FHIT: variants seen among roughly 807,000 people sequenced by gnomAD.
FHIT encodes fragile histidine triad diadenosine triphosphatase.
FHIT carries 19 observed loss-of-function variants against 17.9 expected under a neutral mutation model. That is an observed-to-expected ratio of 1.06 (90% CI 0.74 to 1.56). FHIT has a LOEUF of 1.56. FHIT is among the 40% of genes most tolerant of loss of function. The pLI is 0.00. For synonymous variants in FHIT, 81 were observed against 69.7 expected (o/e 1.16, Z -0.81); for missense variants, 248 against 189.2 (o/e 1.31, Z -1.82).
intron 5 of FHIT, among the ~76,000 whole-genome samples, chr3:60,024,486 AT>A (rs560851526): frequency 1.1e-3 from 174 of 152,258 alleles, no homozygotes; most frequent in African/African-American, 4.0e-3. Flanking sequence ...AGAACTCTGT[AT>A]TTTTTTGTAT....
intron 3 of FHIT, among the ~76,000 whole-genome samples, chr3:61,033,581 T>C (rs960981735): frequency 6.6e-6 from 1 of 152,196 alleles, no homozygotes; most frequent in Non-Finnish European, 1.5e-5. Context: ...AAATTACATA[T>C]GGGGCTTACA....
intron 5 of FHIT, among the ~76,000 whole-genome samples, chr3:60,036,765 TTTTG>T (rs201694249): frequency 0.017 from 2,634 of 152,044 alleles, 66 homozygotes; most frequent in South Asian, 0.072. Context: ...AGTCAACAGG[TTTTG>T]TTTGTTTGTT....
At chr3:61,058,913 T>C (rs1482364834) in intron 2 of FHIT, among the ~76,000 whole-genome samples, 2 of 152,120 alleles carry the variant, frequency 1.3e-5, no homozygotes, top group Non-Finnish European at 2.9e-5. Flanking sequence ...CAGCCAGGAT[T>C]TGAGGTCAAG....
intron 1 of FHIT, among the ~76,000 whole-genome samples, chr3:61,233,098 T>C (rs1373521376): frequency 6.6e-6 from 1 of 152,194 alleles, no homozygotes; most frequent in East Asian, 1.9e-4. Flanking sequence ...AGCTAAAAGA[T>C]TATAATTCTC....
At chr3:59,963,056 C>A (rs1219606664) in intron 7 of FHIT, among the ~76,000 whole-genome samples, 1 of 152,100 alleles carries the variant, frequency 6.6e-6, no homozygotes, top group Non-Finnish European at 1.5e-5. Context: ...GAGATACAGA[C>A]CATCCTGGCT....
chr3:60,822,541 G>A (rs1313002148), intron 3 of FHIT, among the ~76,000 whole-genome samples: 1 of 152,040 alleles, frequency 6.6e-6, no homozygotes, highest in African/African-American at 2.4e-5. Flanking sequence ...GGGTTTTTTT[G>A]GTCCCACTGG....
chr3:60,208,422 C>G (rs1703300291), intron 5 of FHIT, among the ~76,000 whole-genome samples: 1 of 152,116 alleles, frequency 6.6e-6, no homozygotes, highest in African/African-American at 2.4e-5. Context: ...GACATTTAAG[C>G]ATCATATAAA....
At chr3:61,217,496 G>A (rs957839627) in intron 1 of FHIT, among the ~76,000 whole-genome samples, 11 of 152,160 alleles carry the variant, frequency 7.2e-5, no homozygotes, top group East Asian at 1.9e-4. Context: ...TTCCAAAGAC[G>A]AGTTCTGAGA....
intron 5 of FHIT, among the ~76,000 whole-genome samples, chr3:60,170,851 T>C (rs1164205618): frequency 1.3e-5 from 2 of 152,192 alleles, no homozygotes; most frequent in Admixed American, 1.3e-4. Flanking sequence ...TTATCTATTT[T>C]TTCTCCCACA....
At chr3:60,648,324 CT>C (rs2039910481) in intron 4 of FHIT, among the ~76,000 whole-genome samples, 1 of 152,118 alleles carries the variant, frequency 6.6e-6, no homozygotes. Context: ...GCCCAATTAC[CT>C]GTGTAAGGGA....
intron 5 of FHIT, among the ~76,000 whole-genome samples, chr3:60,045,426 C>A (rs1472057346): frequency 6.6e-6 from 1 of 152,004 alleles, no homozygotes. Context: ...CTCCCCCTTA[C>A]AAAACCATCA....
chr3:61,215,558 G>A (rs559681442), intron 1 of FHIT, among the ~76,000 whole-genome samples: 1 of 152,230 alleles, frequency 6.6e-6, no homozygotes, highest in East Asian at 1.9e-4. Context: ...TCATGAAAAT[G>A]GCCATACTGC....
rs1272749533 is a variant in FHIT at position 59,748,267 on chromosome 3, G to C, written c.*1318C>G. Among the ~76,000 whole-genome samples the C allele has an allele frequency of 6.6e-6, 1 of 152,030 alleles. No individual in the cohort carries two copies. The highest frequency in any genetic ancestry group is 1.5e-5 in the Non-Finnish European group (1 of 67,994). On this transcript the variant is annotated 3_prime_UTR_variant, in exon 10 of 10. Transcript: ENST00000492590. ...AGTGAATCAAGTAAATAATGCTCTA[G>C]GTGGTCCACAAAGATAAGAAAAATC...
At chr3:60,234,312 T>A (rs1210067501) in intron 5 of FHIT, among the ~76,000 whole-genome samples, 1 of 152,194 alleles carries the variant, frequency 6.6e-6, no homozygotes, top group East Asian at 1.9e-4. Flanking sequence ...ACGGATTTCA[T>A]TTGAATTAAA....
At chr3:60,705,606 C>T (rs886374839) in intron 4 of FHIT, among the ~76,000 whole-genome samples, 1 of 152,150 alleles carries the variant, frequency 6.6e-6, no homozygotes, top group African/African-American at 2.4e-5. Flanking sequence ...TACCAGATCC[C>T]TTTGAGAAAA....
chr3:59,983,903 G>A (rs1225922004), intron 7 of FHIT, among the ~76,000 whole-genome samples: 2 of 152,192 alleles, frequency 1.3e-5, no homozygotes, highest in East Asian at 1.9e-4. Flanking sequence ...CATGAGGGAG[G>A]AAGAGTTGCT....
chr3:59,946,025 A>G (rs1489850582), intron 7 of FHIT, among the ~76,000 whole-genome samples: 5 of 152,176 alleles, frequency 3.3e-5, no homozygotes, highest in Non-Finnish European at 7.4e-5. Flanking sequence ...TTTAGATTCC[A>G]TATGAATTTT....
intron 5 of FHIT, among the ~76,000 whole-genome samples, chr3:60,031,975 A>T (rs1018608249): frequency 1.3e-5 from 2 of 152,208 alleles, no homozygotes; most frequent in African/African-American, 2.4e-5. Flanking sequence ...TATGTAAAGT[A>T]ATAACTTGAT....
chr3:61,111,983 C>T (rs1249747245), intron 2 of FHIT, among the ~76,000 whole-genome samples: 1 of 152,132 alleles, frequency 6.6e-6, no homozygotes, highest in African/African-American at 2.4e-5. Flanking sequence ...GGCATGGGCA[C>T]ATTCAGTTTT....
Sources: gnomAD v4.1 joint callset for allele counts (sites outside exome capture counted in the v4.1 genomes callset) on GRCh38, gnomAD v4.1.1 for gene constraint, MANE v1.5 for transcripts, NCBI Gene and HGNC (gene_info 2026-07-23, HGNC 2026-07-21) for gene names.